The following NCAM1 variants were observed in gnomAD, a reference collection of about 807,000 sequenced individuals.
The protein encoded by NCAM1 is neural cell adhesion molecule 1, also known as antigen recognized by monoclonal antibody 5.1H11.
NCAM1 carries 14 observed loss-of-function variants against 109.8 expected under a neutral mutation model. That is an observed-to-expected ratio of 0.13 (90% CI 0.08 to 0.20). The LOEUF is 0.20. Ranked by LOEUF, NCAM1 falls within the 10% of genes least tolerant of loss-of-function variation. The probability of loss-of-function intolerance (pLI) is 1.00; values close to 1 mark genes in which losing one functional copy is unlikely to be tolerated. For synonymous variants in NCAM1, 418 were observed against 442.9 expected (o/e 0.94, Z 0.70); for missense variants, 774 against 1,109.9 (o/e 0.70, Z 4.30).
intron 1 of NCAM1, among the ~76,000 whole-genome samples, chr11:113,197,579 G>A (rs17115109): frequency 0.092 from 14,037 of 152,176 alleles, 725 homozygotes; most frequent in East Asian, 0.25. Flanking sequence ...GGTGATCAGA[G>A]CATCTTGCTT....
At chr11:113,185,083 G>T (rs71466733) in intron 1 of NCAM1, among the ~76,000 whole-genome samples, 95,373 of 113,312 alleles carry the variant, frequency 0.84, 39,132 homozygotes, top group Middle Eastern at 0.92. Flanking sequence ...TATATATAGA[G>T]AGAGAGAGAG....
intron 1 of NCAM1, among the ~76,000 whole-genome samples, chr11:113,159,380 A>C (rs1942523136): frequency 6.6e-6 from 1 of 152,170 alleles, no homozygotes; most frequent in African/African-American, 2.4e-5. Context: ...AAATAAAATA[A>C]TACTAGATAA....
chr11:113,226,722 C>A (rs575772150), intron 9 of NCAM1, among the ~76,000 whole-genome samples: 1 of 152,186 alleles, frequency 6.6e-6, no homozygotes, highest in Admixed American at 6.5e-5. Context: ...GAAATGATAA[C>A]AAACTGTCTC....
intron 1 of NCAM1, among the ~76,000 whole-genome samples, chr11:113,164,561 C>T (rs972044361): frequency 6.6e-6 from 1 of 152,114 alleles, no homozygotes; most frequent in African/African-American, 2.4e-5. Context: ...TAGGATGGCT[C>T]ACAGAACTCA....
chr11:113,219,923 T>C (rs2137074919), intron 8 of NCAM1, among the ~76,000 whole-genome samples: 1 of 152,344 alleles, frequency 6.6e-6, no homozygotes, highest in East Asian at 1.9e-4. Flanking sequence ...TCCCACATCA[T>C]GTGACATAAC....
chr11:112,976,714 C>T (rs1277193939), intron 1 of NCAM1, among the ~76,000 whole-genome samples: 2 of 151,754 alleles, frequency 1.3e-5, no homozygotes, highest in Non-Finnish European at 2.9e-5. Context: ...GAGAGAAGAT[C>T]GGTTTGATTT....
chr11:113,028,869 T>G (rs782011544), intron 1 of NCAM1, among the ~76,000 whole-genome samples: 13 of 152,226 alleles, frequency 8.5e-5, no homozygotes, highest in Non-Finnish European at 1.8e-4. Flanking sequence ...CTAGTTTTTT[T>G]AGCCAAAGTC....
chr11:113,219,278 A>C (rs1031510429), intron 8 of NCAM1, among the ~76,000 whole-genome samples: 11 of 152,204 alleles, frequency 7.2e-5, no homozygotes, highest in African/African-American at 2.7e-4. Flanking sequence ...TTTCACGAGA[A>C]AAAAATTCCT....
intron 1 of NCAM1, among the ~76,000 whole-genome samples, chr11:112,972,833 C>A (rs1246198654): frequency 2.6e-5 from 4 of 151,928 alleles, no homozygotes; most frequent in Admixed American, 2.0e-4. Context: ...GAGCTGATGT[C>A]CAGGACACTT....
intron 1 of NCAM1, among the ~76,000 whole-genome samples, chr11:113,162,242 A>G (rs1195643737): frequency 6.6e-6 from 1 of 152,170 alleles, no homozygotes; most frequent in African/African-American, 2.4e-5. Flanking sequence ...ATATCAAAAC[A>G]TGATATTATA....
Position 113,235,036 on chromosome 11 carries a change from G to T in NCAM1, c.1697G>T (p.Ser566Ile). ...CATCCTTCCCATATTATAACAGCCA[G>T]CATGGAGGGCATCGTCACCATCGTG... ...HSKWYDAKEA[S>I]MEGIVTIVGL... The change falls in exon 14 of 20, where the codon AGC (serine) becomes ATC (isoleucine). Residue 566 changes from serine to isoleucine, a missense_variant. Physicochemically the swap from Ser to Ile is moderately radical, Grantham distance 142 (BLOSUM62 -2). Coordinates refer to ENST00000316851, the MANE Select transcript of NCAM1 (RefSeq NM_181351.5). 6.4e-7 allele frequency: 1 copy of T among 1,555,580 alleles called. No homozygotes were observed. The highest frequency in any genetic ancestry group is 8.7e-7 in the Non-Finnish European group (1 of 1,149,076).
intron 1 of NCAM1, among the ~76,000 whole-genome samples, chr11:113,121,537 CAAAAAAAAA>C (rs3051887): frequency 4.3e-5 from 4 of 92,430 alleles, no homozygotes; most frequent in South Asian, 4.4e-4. Flanking sequence ...ACCAATCTTA[CAAAAAAAAA>C]AAAAAAAAAA....
intron 1 of NCAM1, among the ~76,000 whole-genome samples, chr11:112,974,400 T>C (rs1216117041): frequency 6.6e-6 from 1 of 152,004 alleles, no homozygotes; most frequent in East Asian, 1.9e-4. Flanking sequence ...AGTGAGACCC[T>C]GAAGAGCTGT....
At chr11:113,202,271 A>G (rs1174768839) in intron 1 of NCAM1, 108 bp from the exon 2 acceptor site, 5 of 1,140,394 alleles carry the variant, frequency 4.4e-6, no homozygotes, top group Non-Finnish European at 6.1e-6. Flanking sequence ...CCTATTTTTG[A>G]ATGGAAGATC....
chr11:113,022,967 A>G (rs1469614728), intron 1 of NCAM1, among the ~76,000 whole-genome samples: 9 of 152,196 alleles, frequency 5.9e-5, no homozygotes, highest in Non-Finnish European at 1.0e-4. Flanking sequence ...CTTTAGCAGA[A>G]ACTTGGTCAC....
At chr11:113,192,233 A>G (rs1331641912) in intron 1 of NCAM1, among the ~76,000 whole-genome samples, 1 of 152,070 alleles carries the variant, frequency 6.6e-6, no homozygotes, top group African/African-American at 2.4e-5. Context: ...GCAATCAGAT[A>G]GTGTACAGCC....
At position 113,220,497 on chromosome 11, in the gene NCAM1, T is replaced by A. The variant is rs140964090; in HGVS notation, c.1060-799T>A. On this transcript the variant is annotated intron_variant, in intron 8 of 19. Coordinates refer to ENST00000316851, the MANE Select transcript of NCAM1 (RefSeq NM_181351.5). ...AAAAATTTGATTTTAACAGAATGCATGCAAAGAGTTGTAAAATGCATGAGC... is the reference window on the plus strand; with the variant it reads ...AAAAATTTGATTTTAACAGAATGCAAGCAAAGAGTTGTAAAATGCATGAGC... Among the ~76,000 whole-genome samples the A allele has an allele frequency of 7.2e-4, 110 of 152,036 alleles. 1 individual carries two copies. The East Asian group carries it at 0.02, about 28-fold the overall frequency.
chr11:113,244,885 T>G (rs1229970523), intron 14 of NCAM1, among the ~76,000 whole-genome samples: 5 of 152,182 alleles, frequency 3.3e-5, no homozygotes, highest in Non-Finnish European at 7.3e-5. Context: ...AAAGCATTTC[T>G]CTCAGGTTAT....
intron 9 of NCAM1, chr11:113,231,431 C>T (rs1460340767): frequency 3.0e-5 from 29 of 960,800 alleles, no homozygotes; most frequent in African/African-American, 2.3e-4. Flanking sequence ...TTTTCTGTTT[C>T]GGATACTCCC....
Sources: gnomAD v4.1 joint callset for allele counts (sites outside exome capture counted in the v4.1 genomes callset) on GRCh38, gnomAD v4.1.1 for gene constraint, MANE v1.5 for transcripts, NCBI Gene and HGNC (gene_info 2026-07-23, HGNC 2026-07-21) for gene names.